Variants in CACNA2D3 observed in about 807,000 individuals in gnomAD.
CACNA2D3 encodes the protein calcium voltage-gated channel auxiliary subunit alpha2delta 3.
A neutral mutation model predicts 160.6 loss-of-function variants in CACNA2D3; 60 were observed. That is an observed-to-expected ratio of 0.37 (90% CI 0.30 to 0.46). CACNA2D3 has a LOEUF of 0.46. CACNA2D3 is among the 20% of genes least tolerant of loss of function. CACNA2D3 has a pLI of 1.00. For missense variants in CACNA2D3, 1,205 were observed against 1,365.0 expected, an observed-to-expected ratio of 0.88 and a Z score of 1.85; for synonymous variants, 558 against 492.9, an observed-to-expected ratio of 1.13 and a Z score of -1.75.
At chr3:55,069,158 G>A (rs929563783) in intron 35 of CACNA2D3, among the ~76,000 whole-genome samples, 2 of 151,968 alleles carry the variant, frequency 1.3e-5, no homozygotes, top group East Asian at 1.9e-4. Context: ...CACGAGTTTC[G>A]ATGCTGGATA....
intron 35 of CACNA2D3, among the ~76,000 whole-genome samples, chr3:55,020,992 C>A (rs2107161747): frequency 6.6e-6 from 1 of 152,226 alleles, no homozygotes; most frequent in African/African-American, 2.4e-5. Flanking sequence ...CTATTAAGGT[C>A]ATTTTATTGC....
chr3:54,501,830 C>A (rs1003441156), intron 4 of CACNA2D3, among the ~76,000 whole-genome samples: 1 of 152,154 alleles, frequency 6.6e-6, no homozygotes, highest in African/African-American at 2.4e-5. Flanking sequence ...GCAACAGATT[C>A]CTTCATTTTT....
At chr3:54,773,977 CT>C (rs1298947414) in intron 13 of CACNA2D3, among the ~76,000 whole-genome samples, 2 of 152,180 alleles carry the variant, frequency 1.3e-5, no homozygotes, top group African/African-American at 4.8e-5. Context: ...TTGCAACTGT[CT>C]GTAATGAAAG....
At chr3:54,443,461 G>A (rs1700174026) in intron 4 of CACNA2D3, among the ~76,000 whole-genome samples, 1 of 152,198 alleles carries the variant, frequency 6.6e-6, no homozygotes, top group East Asian at 1.9e-4. Flanking sequence ...GGATCCCCAT[G>A]TAAAATTGCT....
At position 54,918,321 on chromosome 3, in the gene CACNA2D3, C is replaced by CTTTTTTTT. The variant is rs60257399; in HGVS notation, c.2449+18456_2449+18463dup. 2.8e-5 allele frequency: 11 copies of CTTTTTTTT among 394,440 alleles called. 1 individual carries two copies. Among genetic ancestry groups the CTTTTTTTT allele is most frequent in the African/African-American group, 1.5e-4 (5 of 34,102 alleles). 24.4% of individuals were successfully genotyped at this position (394,440 alleles called of 1,614,324 possible). Reference sequence around the variant, plus strand: ...CCAGAAATATTTTTTACAGACACATCTTTTTTTTTTCTTTTTTTTTTTTTT... The same window carrying CTTTTTTTT: ...CCAGAAATATTTTTTACAGACACATCTTTTTTTTTTTTTTTTTTCTTTTTTTTTTTTTT... On this transcript the variant is annotated intron_variant, in intron 27 of 37. Coordinates refer to ENST00000474759, the MANE Select transcript of CACNA2D3 (RefSeq NM_018398.3).
At chr3:54,352,608 C>T (rs940295276) in intron 3 of CACNA2D3, among the ~76,000 whole-genome samples, 4 of 152,178 alleles carry the variant, frequency 2.6e-5, no homozygotes, top group Non-Finnish European at 5.9e-5. Context: ...CACTTCTGGT[C>T]CCCCAGGGAG....
At chr3:54,695,652 A>G (rs940400515) in intron 11 of CACNA2D3, among the ~76,000 whole-genome samples, 4 of 152,024 alleles carry the variant, frequency 2.6e-5, no homozygotes, top group African/African-American at 9.7e-5. Flanking sequence ...AATAAATGCA[A>G]CCTCTTCTTA....
intron 2 of CACNA2D3, among the ~76,000 whole-genome samples, chr3:54,195,912 A>G (rs1701070867): frequency 6.6e-6 from 1 of 152,234 alleles, no homozygotes; most frequent in African/African-American, 2.4e-5. Flanking sequence ...GCTAGAACCT[A>G]ATCTAAACAC....
At chr3:54,745,818 AT>A (rs910257442) in intron 11 of CACNA2D3, among the ~76,000 whole-genome samples, 1 of 151,524 alleles carries the variant, frequency 6.6e-6, no homozygotes, top group Non-Finnish European at 1.5e-5. Context: ...CTGAATTGGA[AT>A]TTTTTTTTCA....
chr3:54,368,475 G>A lies in CACNA2D3; in HGVS notation c.322-18240G>A, dbSNP rs559555440. Among the ~76,000 whole-genome samples the A allele has an allele frequency of 1.1e-4, 17 of 152,220 alleles. No individual in the cohort carries two copies. In the South Asian group the frequency reaches 3.1e-3, roughly 28 times the overall value. On this transcript the variant is annotated intron_variant, in intron 3 of 37. Transcript: ENST00000474759. Reference sequence around the variant, plus strand: ...AGAAAGAGAAGGGGAGAGGGGCAGAGAGAGAGTGAAAGAGCAGGAGAGTGA... The same window carrying A: ...AGAAAGAGAAGGGGAGAGGGGCAGAAAGAGAGTGAAAGAGCAGGAGAGTGA...
At chr3:54,501,000 A>G (rs570005522) in intron 4 of CACNA2D3, among the ~76,000 whole-genome samples, 2 of 152,338 alleles carry the variant, frequency 1.3e-5, no homozygotes, top group Non-Finnish European at 2.9e-5. Flanking sequence ...TGCTTCCAAT[A>G]TGATGCACTG....
intron 9 of CACNA2D3, chr3:54,626,185 C>T (rs754071326): frequency 2.7e-6 from 2 of 737,184 alleles, no homozygotes; most frequent in Non-Finnish European, 4.8e-6. Context: ...AGGCGCGGAC[C>T]AGAGAGCTCT....
chr3:54,156,444 G>A (rs570564005), intron 2 of CACNA2D3, among the ~76,000 whole-genome samples: 8 of 152,320 alleles, frequency 5.3e-5, no homozygotes, highest in African/African-American at 1.9e-4. Context: ...CTGCCCAGCT[G>A]GAAGGTGAGC....
chr3:54,707,549 A>G (rs1700880156), intron 11 of CACNA2D3, among the ~76,000 whole-genome samples: 1 of 152,116 alleles, frequency 6.6e-6, no homozygotes, highest in Admixed American at 6.5e-5. Context: ...TCAGATTGAC[A>G]TTGGTTTTGT....
intron 4 of CACNA2D3, among the ~76,000 whole-genome samples, chr3:54,403,885 C>A (rs1215296123): frequency 1.3e-5 from 2 of 151,964 alleles, no homozygotes; most frequent in African/African-American, 4.8e-5. Flanking sequence ...ATTTTGATAA[C>A]CTAGAGGAAA....
In CACNA2D3 at chr3:54,966,241, A is replaced by G. The variant is rs566232033; in HGVS notation, c.2450-2209A>G. ...GAGGGAGAAGCACCATGGAAAGGCT[A>G]CCCTGGAGTGACTCTTTCAGGGAGT... is the stretch of plus-strand genomic sequence containing the variant. On this transcript the variant is annotated intron_variant, in intron 27 of 37. Transcript: ENST00000474759. Among the ~76,000 whole-genome samples, 223 of 152,116 alleles carry G rather than the reference A, an allele frequency of 1.5e-3. 13 individuals carry two copies. In the South Asian group the frequency reaches 0.045, roughly 30 times the overall value.
rs190019091 is a variant in CACNA2D3 at position 54,787,347 on chromosome 3, A to T, written c.1380+22996A>T. On this transcript the variant is annotated intron_variant, in intron 13 of 37. Coordinates refer to ENST00000474759, the MANE Select transcript of CACNA2D3 (RefSeq NM_018398.3). ...ATTTAGATCACCGTTAGGATTTTTT[A>T]AAAAAATCTAAATCATGATGTATCT... 3.2e-3 allele frequency among the ~76,000 whole-genome samples: 487 copies of T among 152,272 alleles called. 2 individuals are homozygous for T. The highest frequency in any genetic ancestry group is 0.011 in the African/African-American group (451 of 41,558).
chr3:54,914,280 A>T (rs541409990), intron 27 of CACNA2D3, among the ~76,000 whole-genome samples: 3 of 148,610 alleles, frequency 2.0e-5, no homozygotes, highest in South Asian at 2.1e-4. Flanking sequence ...AAAACAGATT[A>T]AAAAAAAAAA....
At chr3:54,728,165 A>T (rs923097226) in intron 11 of CACNA2D3, among the ~76,000 whole-genome samples, 1 of 151,546 alleles carries the variant, frequency 6.6e-6, no homozygotes, top group African/African-American at 2.4e-5. Flanking sequence ...ACTTCCTCCA[A>T]ATATTTCCTT....
Sources: gnomAD v4.1 joint callset for allele counts (sites outside exome capture counted in the v4.1 genomes callset) on GRCh38, gnomAD v4.1.1 for gene constraint, MANE v1.5 for transcripts, NCBI Gene and HGNC (gene_info 2026-07-23, HGNC 2026-07-21) for gene names.